The following CSDE1 variants were observed in gnomAD, a reference collection of about 807,000 sequenced individuals.
CSDE1 encodes the protein cold shock domain containing E1.
CSDE1 carries 17 observed loss-of-function variants against 89.3 expected under a neutral mutation model. That is an observed-to-expected ratio of 0.19 (90% CI 0.13 to 0.29). CSDE1 has a LOEUF of 0.29. CSDE1 is among the 10% of genes least tolerant of loss of function. CSDE1 has a pLI of 1.00. For missense variants in CSDE1, 672 were observed against 984.2 expected, an observed-to-expected ratio of 0.68 and a Z score of 4.24; for synonymous variants, 322 against 332.8, an observed-to-expected ratio of 0.97 and a Z score of 0.35.
chr1:114,745,153 C>T (rs951223600), intron 2 of CSDE1, among the ~76,000 whole-genome samples: 1 of 152,094 alleles, frequency 6.6e-6, no homozygotes, highest in African/African-American at 2.4e-5. Context: ...TAAATTGGTA[C>T]AACCTTTTAG....
At chr1:114,752,972 T>A (rs1661387069) in intron 1 of CSDE1, among the ~76,000 whole-genome samples, 1 of 152,204 alleles carries the variant, frequency 6.6e-6, no homozygotes, top group Non-Finnish European at 1.5e-5. Flanking sequence ...AGGTAGTTAA[T>A]CCTTAATAAG....
chr1:114,751,651 T>C (rs1661314411), intron 1 of CSDE1, among the ~76,000 whole-genome samples: 1 of 143,900 alleles, frequency 6.9e-6, no homozygotes, highest in East Asian at 1.9e-4. Context: ...CCAGACTAGA[T>C]ATATGTCTCA....
chr1:114,725,801 A>C (rs1659760181), intron 14 of CSDE1, among the ~76,000 whole-genome samples: 1 of 152,116 alleles, frequency 6.6e-6, no homozygotes, highest in Admixed American at 6.5e-5. Flanking sequence ...ATGTCAGGCT[A>C]ATTTTGGTAA....
At chr1:114,737,932 T>TA (rs777920146) in intron 4 of CSDE1, 31 bp downstream of exon 4, 21 of 1,486,408 alleles carry the variant, frequency 1.4e-5, no homozygotes, top group African/African-American at 2.8e-5. Flanking sequence ...TGCAGGGCCC[T>TA]AAAAAAACAC....
chr1:114,735,357 A>C (rs1390652892), intron 6 of CSDE1, among the ~76,000 whole-genome samples: 1 of 152,234 alleles, frequency 6.6e-6, no homozygotes, highest in African/African-American at 2.4e-5. Flanking sequence ...AATGTTACAG[A>C]CTAACAAAGA....
At chr1:114,753,213 C>A (rs1264307461) in intron 1 of CSDE1, among the ~76,000 whole-genome samples, 1 of 152,052 alleles carries the variant, frequency 6.6e-6, no homozygotes, top group Non-Finnish European at 1.5e-5. Context: ...CTGGATTAAC[C>A]CATTCCAGGT....
chr1:114,719,789 C>G, intron 17 of CSDE1, 47 bp from the exon 18 acceptor site: 1 of 1,561,954 alleles, frequency 6.4e-7, no homozygotes, highest in Non-Finnish European at 8.7e-7. Context: ...CCACACCTCA[C>G]TCTGAATGAA....
At chr1:114,727,509 G>A (rs1012859583) in intron 12 of CSDE1, among the ~76,000 whole-genome samples, 2 of 152,150 alleles carry the variant, frequency 1.3e-5, no homozygotes, top group Non-Finnish European at 2.9e-5. Context: ...ACCTTGCACA[G>A]TATTTAATAT....
At chr1:114,740,330 T>C (rs1660652499) in intron 2 of CSDE1, among the ~76,000 whole-genome samples, 1 of 152,218 alleles carries the variant, frequency 6.6e-6, no homozygotes, top group African/African-American at 2.4e-5. Flanking sequence ...TAATACTGTT[T>C]AGTAAGTCAT....
At position 114,718,186 on chromosome 1, in the gene CSDE1, C is replaced by G; in HGVS notation, c.2380G>C (p.Ala794Pro). ...GFGAERKIRQ[A>P]GVID ...GGATGTGGTTAGTCAATGACACCAG[C>G]TTGACGGATCTTTCTTTCTGCACCA... The change falls in exon 20 of 20, where the codon GCT becomes CCT. Residue 794 changes from alanine to proline, a missense_variant. By Grantham distance (27) the Ala-to-Pro change is conservative (BLOSUM62 -1). This residue lies in a region of CSDE1 where 206 missense variants were observed against 332.4 expected (regional missense o/e 0.62). Transcript: ENST00000358528. 1 of 1,613,934 alleles carries G rather than the reference C, an allele frequency of 6.2e-7. No homozygotes were observed. The highest frequency in any genetic ancestry group is 8.5e-7 in the Non-Finnish European group (1 of 1,179,980).
intron 13 of CSDE1, among the ~76,000 whole-genome samples, 190 bp from the exon 14 acceptor site, chr1:114,726,576 T>C (rs1223742178): frequency 2.0e-5 from 3 of 152,236 alleles, no homozygotes; most frequent in Non-Finnish European, 4.4e-5. Flanking sequence ...GATCAAACTT[T>C]TATCTTTCAG....
chr1:114,739,319 C>T (rs1660593287), intron 3 of CSDE1, among the ~76,000 whole-genome samples: 1 of 152,212 alleles, frequency 6.6e-6, no homozygotes, highest in Non-Finnish European at 1.5e-5. Context: ...GCGTAAGCCA[C>T]CGCGCCCAGC....
In CSDE1 at chr1:114,757,371, T is replaced by C. The variant is rs563025706; in HGVS notation, c.-388+554A>G. Among the ~76,000 whole-genome samples, 27 of 152,270 alleles carry C rather than the reference T, an allele frequency of 1.8e-4. 1 individual carries two copies. The East Asian group carries it at 5.2e-3, about 29-fold the overall frequency. On this transcript the variant is annotated intron_variant, in intron 1 of 19. Transcript: ENST00000358528. ...AAGGCGCCACTGCCGCACTGCGCTC[T>C]GGTACTGGTAGTCAGATTCCCAAGC...
At chr1:114,752,306 A>AT in intron 1 of CSDE1, among the ~76,000 whole-genome samples, 1 of 152,046 alleles carries the variant, frequency 6.6e-6, no homozygotes, top group South Asian at 2.1e-4. Flanking sequence ...ATCTTCAGTT[A>AT]TTTTTCCACC....
intron 2 of CSDE1, chr1:114,741,491 G>GCAA (rs1349957121): frequency 6.5e-7 from 1 of 1,528,284 alleles, no homozygotes; most frequent in South Asian, 1.3e-5. Flanking sequence ...TTAACACAAA[G>GCAA]CAAGGTAAGC....
intron 6 of CSDE1, 109 bp from the exon 7 acceptor site, chr1:114,734,632 C>G (rs555778295): frequency 1.4e-6 from 1 of 729,780 alleles, no homozygotes; most frequent in African/African-American, 1.8e-5. Flanking sequence ...TTTAAGAATT[C>G]TATCATCACT....
At chr1:114,744,207 GA>G (rs994315447) in intron 2 of CSDE1, among the ~76,000 whole-genome samples, 34 of 151,932 alleles carry the variant, frequency 2.2e-4, no homozygotes, top group Admixed American at 1.5e-3. Flanking sequence ...AAATAGGGGG[GA>G]AAAAAATCCA....
intron 6 of CSDE1, among the ~76,000 whole-genome samples, chr1:114,734,882 G>A (rs1242329613): frequency 1.3e-5 from 2 of 152,158 alleles, no homozygotes; most frequent in Admixed American, 1.3e-4. Flanking sequence ...TACCAAAGGT[G>A]GGGAATACTA....
intron 1 of CSDE1, among the ~76,000 whole-genome samples, chr1:114,751,551 T>C (rs1661309102): frequency 6.6e-6 from 1 of 152,224 alleles, no homozygotes; most frequent in African/African-American, 2.4e-5. Context: ...GGCCATTTTC[T>C]ATTCTCTAAC....
Sources: allele counts gnomAD v4.1 joint callset (sites outside exome capture counted in the v4.1 genomes callset), GRCh38; gene constraint gnomAD v4.1.1; regional missense constraint gnomAD v4.1.1; transcripts MANE v1.5; gene names NCBI Gene and HGNC (gene_info 2026-07-23, HGNC 2026-07-21).